Variants in CALD1 observed in about 807,000 individuals in gnomAD.
CALD1 encodes the protein caldesmon 1.
A neutral mutation model predicts 99.9 loss-of-function variants in CALD1; 33 were observed. The observed-to-expected ratio is 0.33, with a 90% CI of 0.25 to 0.44. CALD1 has a LOEUF of 0.44. CALD1 is among the 20% of genes least tolerant of loss of function. The pLI, the probability that CALD1 is intolerant of heterozygous loss-of-function variation, is 1.00. For missense variants in CALD1, 861 were observed against 962.1 expected, an observed-to-expected ratio of 0.89 and a Z score of 1.39; for synonymous variants, 310 against 325.0, an observed-to-expected ratio of 0.95 and a Z score of 0.50.
At position 134,768,681 on chromosome 7, in the gene CALD1, A is replaced by T. The variant is rs189837894; in HGVS notation, c.-130+24318A>T. Among the ~76,000 whole-genome samples, 658 of 152,062 alleles carry T rather than the reference A, an allele frequency of 4.3e-3. 1 individual carries two copies. The highest frequency in any genetic ancestry group is 0.014 in the African/African-American group (561 of 41,478). ...TGTCTCATTTATATTGCAATTTTTT[A>T]AAAAAAACAAAACAACAAAAAGCTT... On this transcript the variant is annotated intron_variant, in intron 1 of 13. Transcript: ENST00000417172.
At chr7:134,811,764 T>G (rs1021034669) in intron 1 of CALD1, among the ~76,000 whole-genome samples, 1 of 152,192 alleles carries the variant, frequency 6.6e-6, no homozygotes, top group Non-Finnish European at 1.5e-5. Flanking sequence ...ACTTGTTACT[T>G]AGAAGCCCAT....
chr7:134,790,647 G>C (rs931856320), intron 1 of CALD1, among the ~76,000 whole-genome samples: 1 of 152,178 alleles, frequency 6.6e-6, no homozygotes, highest in African/African-American at 2.4e-5. Flanking sequence ...GCTCAAGTTA[G>C]AGTTAGACAA....
chr7:134,903,765 CAGTT>C (rs1489041604), intron 3 of CALD1, among the ~76,000 whole-genome samples: 1 of 152,098 alleles, frequency 6.6e-6, no homozygotes. Context: ...CATCTTCACT[CAGTT>C]AGCTCGGTCA....
At chr7:134,743,793 G>C (rs1323258931), upstream of CALD1, among the ~76,000 whole-genome samples, 1 of 152,162 alleles carries the variant, frequency 6.6e-6, no homozygotes, top group Non-Finnish European at 1.5e-5. Flanking sequence ...GACTTTACTT[G>C]TGGAGTTTCT....
At chr7:134,918,079 G>T (rs1804346445) in intron 3 of CALD1, among the ~76,000 whole-genome samples, 1 of 152,212 alleles carries the variant, frequency 6.6e-6, no homozygotes, top group African/African-American at 2.4e-5. Context: ...GTGGCAAGAT[G>T]AATAGATTTT....
chr7:134,796,377 T>C (rs1441194289), intron 1 of CALD1, among the ~76,000 whole-genome samples: 2 of 152,212 alleles, frequency 1.3e-5, no homozygotes, highest in Non-Finnish European at 2.9e-5. Flanking sequence ...AACACAGACA[T>C]GGATTTCCTT....
intron 1 of CALD1, among the ~76,000 whole-genome samples, chr7:134,759,112 A>C (rs1261513120): frequency 6.6e-6 from 1 of 152,192 alleles, no homozygotes; most frequent in Non-Finnish European, 1.5e-5. Flanking sequence ...CATGACCATC[A>C]CGTTTATAAA....
intron 1 of CALD1, among the ~76,000 whole-genome samples, chr7:134,782,816 C>T (rs989647812): frequency 2.0e-5 from 3 of 152,158 alleles, no homozygotes; most frequent in African/African-American, 4.8e-5. Context: ...CTTCCTTTCT[C>T]GTATTTAAGG....
intron 1 of CALD1, among the ~76,000 whole-genome samples, chr7:134,765,597 T>C (rs1035394171): frequency 1.3e-5 from 2 of 152,202 alleles, no homozygotes; most frequent in African/African-American, 4.8e-5. Context: ...CATACAGTTA[T>C]CAATGTATTC....
chr7:134,799,323 G>A (rs1797859731), intron 1 of CALD1, among the ~76,000 whole-genome samples: 1 of 152,162 alleles, frequency 6.6e-6, no homozygotes, highest in African/African-American at 2.4e-5. Flanking sequence ...GGTCATCTAA[G>A]TATAAATAAA....
chr7:134,943,206 C>T (rs1283648769), intron 7 of CALD1, among the ~76,000 whole-genome samples: 1 of 150,732 alleles, frequency 6.6e-6, no homozygotes, highest in African/African-American at 2.4e-5. Flanking sequence ...TAGTACCTAC[C>T]AGCTTCACTG....
In CALD1 at chr7:134,947,751, T is replaced by C; in HGVS notation, c.1776T>C (p.Asp592=). The C allele has an allele frequency of 6.2e-7, 1 of 1,613,848 alleles. No homozygotes were observed. The highest frequency in any genetic ancestry group is 1.1e-5 in the South Asian group (1 of 91,032). The change falls in exon 8 of 15, where the codon GAT becomes GAC. Residue 592 remains aspartate, a synonymous_variant. Coordinates refer to ENST00000361675, the MANE Select transcript of CALD1 (RefSeq NM_033138.4). ...EEQRRKQEEA[D]RKLREEEEKR... is the part of the protein sequence containing the mutation. The stretch of plus-strand genomic sequence containing the variant: ...AGAGGAGGAAGCAGGAGGAAGCCGA[T>C]CGAAAACTCAGAGAGGAGGTAAGGC...
chr7:134,856,681 T>G (rs1048184335), intron 2 of CALD1, among the ~76,000 whole-genome samples: 1 of 148,264 alleles, frequency 6.7e-6, no homozygotes, highest in Non-Finnish European at 1.5e-5. Context: ...GTTAAATGCC[T>G]AATACTCCTC....
chr7:134,960,581 C>T lies in CALD1; in HGVS notation c.2248C>T (p.Leu750=), dbSNP rs761620281. ...VGVSSRINEW[L]TKTPDGNKSP... is the part of the protein sequence containing the mutation. ...GGTTTCTAGCCGCATCAATGAATGG[C>T]TAACTAAAACCCCAGATGGAAACAA... The change falls in exon 13 of 15, where the codon CTA becomes TTA. Residue 750 remains leucine, a synonymous_variant. Transcript: ENST00000361675. 6.2e-7 allele frequency: 1 copy of T among 1,613,646 alleles called. No individual in the cohort carries two copies. Among genetic ancestry groups the T allele is most frequent in the South Asian group, 1.1e-5 (1 of 91,058 alleles).
intron 7 of CALD1, among the ~76,000 whole-genome samples, 168 bp downstream of exon 7, chr7:134,941,405 C>T (rs1806429442): frequency 6.6e-6 from 1 of 152,172 alleles, no homozygotes; most frequent in Non-Finnish European, 1.5e-5. Flanking sequence ...TCAGCAGGTC[C>T]AGTTCTTATA....
At chr7:134,892,547 T>C (rs1451724202) in intron 3 of CALD1, among the ~76,000 whole-genome samples, 1 of 152,158 alleles carries the variant, frequency 6.6e-6, no homozygotes, top group Non-Finnish European at 1.5e-5. Context: ...CCAGCGTTTG[T>C]GCAACAGTTA....
At chr7:134,864,514 T>G (rs1250233047) in intron 2 of CALD1, among the ~76,000 whole-genome samples, 1 of 151,842 alleles carries the variant, frequency 6.6e-6, no homozygotes, top group African/African-American at 2.4e-5. Flanking sequence ...TTCTCCTGCC[T>G]CAGCCTCCTG....
intron 1 of CALD1, among the ~76,000 whole-genome samples, chr7:134,816,883 T>G (rs2131972321): frequency 6.6e-6 from 1 of 152,340 alleles, no homozygotes; most frequent in Non-Finnish European, 1.5e-5. Flanking sequence ...GAACTTCTCT[T>G]GTGAAACCTG....
intron 14 of CALD1, 47 bp downstream of exon 14, chr7:134,965,433 G>A (rs1239282499): frequency 3.4e-6 from 3 of 883,838 alleles, no homozygotes; most frequent in Non-Finnish European, 5.8e-6. Context: ...TTTTCCTGAT[G>A]TATGGTGTAG....
Sources: gnomAD v4.1 joint callset for allele counts (sites outside exome capture counted in the v4.1 genomes callset) on GRCh38, gnomAD v4.1.1 for gene constraint, MANE v1.5 for transcripts, NCBI Gene and HGNC (gene_info 2026-07-23, HGNC 2026-07-21) for gene names.